RNPC3: variants seen among roughly 807,000 people sequenced by gnomAD.
The protein encoded by RNPC3 is RNA-binding region-containing protein 3.
A neutral mutation model predicts 67.5 loss-of-function variants in RNPC3; 48 were observed. The ratio of observed to expected loss-of-function variants is 0.71; its 90% CI spans 0.56 to 0.90. The LOEUF is 0.90. Among genes scored for constraint, RNPC3 ranks in the 40% least tolerant of loss-of-function variants. RNPC3 has a pLI of 0.00. For synonymous variants in RNPC3, 239 were observed against 210.3 expected, an observed-to-expected ratio of 1.14 and a Z score of -1.18; for missense variants, 637 against 626.1, an observed-to-expected ratio of 1.02 and a Z score of -0.19.
intron 14 of RNPC3, chr1:103,552,090 T>C: frequency 1.1e-5 from 2 of 182,360 alleles, no homozygotes; most frequent in Non-Finnish European, 2.3e-5. Context: ...ATGTATCATA[T>C]CACTTGGAGA....
chr1:103,546,357 A>G lies in RNPC3; in HGVS notation c.1302+15A>G. 1 of 1,223,892 alleles carries G rather than the reference A, an allele frequency of 8.2e-7. No homozygotes were observed. The highest frequency in any genetic ancestry group is 1.1e-6 in the Non-Finnish European group (1 of 901,364). The allele number at this position is 1,223,892 out of a possible 1,614,324, so 75.8% of individuals were successfully genotyped here. On this transcript the variant is annotated intron_variant, in intron 11 of 14. Coordinates refer to ENST00000423855, the MANE Select transcript of RNPC3 (RefSeq NM_017619.4). Reference sequence around the variant, plus strand: ...TTCAAGAAAAGGTAGGTATAAATTGATTTTTTTTCATGTAAATGAAAATAA... The same window carrying G: ...TTCAAGAAAAGGTAGGTATAAATTGGTTTTTTTTCATGTAAATGAAAATAA...
chr1:103,526,155 CT>C lies in RNPC3; in HGVS notation c.87del (p.Leu30TrpfsTer18). The C allele has an allele frequency of 1.3e-6, 2 of 1,551,566 alleles. No homozygotes were observed. The highest frequency in any genetic ancestry group is 1.7e-6 in the Non-Finnish European group (2 of 1,146,908). On this transcript the variant is annotated frameshift_variant, in exon 1 of 15. Transcript: ENST00000423855. LOFTEE classifies it high-confidence loss of function. The stretch of plus-strand genomic sequence containing the variant: ...TTCCCCGCCTCGGGGCGACCGAACC[CT>C]TCTGGTCAGGCACCTGCCGGCTGAG... Reference protein sequence around the residue: ...SLSPPRGDRTLLVRHLPAELT... With the variant: ...SLSPPRGDRTXLVRHLPAELT...
chr1:103,547,235 A>G (rs949233584), intron 12 of RNPC3, among the ~76,000 whole-genome samples, 200 bp downstream of exon 12: 5 of 152,190 alleles, frequency 3.3e-5, no homozygotes, highest in Admixed American at 2.6e-4. Flanking sequence ...GATAGTAAAA[A>G]TTTAATATTT....
chr1:103,536,404 C>A (rs188712144), intron 6 of RNPC3, among the ~76,000 whole-genome samples: 58 of 152,256 alleles, frequency 3.8e-4, no homozygotes, highest in Non-Finnish European at 2.8e-4. Context: ...TAAAGGCTAT[C>A]ATTTCATCCA....
rs527404704 is a variant in RNPC3, at chr1:103,536,293, T to C, written c.624+99T>C. 166 of 795,680 alleles carry C rather than the reference T, an allele frequency of 2.1e-4. No homozygotes were observed. The East Asian group carries it at 4.3e-3, about 21-fold the overall frequency. 49.3% of individuals were successfully genotyped at this position (795,680 alleles called of 1,614,324 possible). A position where few individuals can be genotyped will look rare whatever the true frequency, so the allele number is the denominator to read the frequency against. On this transcript the variant is annotated intron_variant, in intron 6 of 14. Transcript: ENST00000423855. The stretch of plus-strand genomic sequence containing the variant: ...GTGTTGTAGCAACCTCTGATGTACA[T>C]TGAAAATAAGGAACGGGTATAAAGT...
intron 14 of RNPC3, chr1:103,552,368 ACTC>A (rs1487290895): frequency 2.0e-5 from 3 of 151,570 alleles, no homozygotes; most frequent in African/African-American, 7.3e-5. Context: ...CAGCTTGAAA[ACTC>A]CTGGAATAAA....
In RNPC3 at chr1:103,533,766, C is replaced by G; in HGVS notation, c.268C>G (p.Leu90Val). ...KALTRLHQLK[L>V]LGHTLVVEFA... ...ATTGACAAGACTCCATCAACTGAAA[C>G]TTTTAGGTCATACTTTAGTCGTTGA... Residue 90 changes from leucine to valine, a missense_variant, in exon 3 of 15, where the codon CTT (leucine) becomes GTT (valine). Transcript: ENST00000423855. 5.2e-6 allele frequency: 8 copies of G among 1,531,166 alleles called. No individual in the cohort carries two copies. Among genetic ancestry groups the G allele is most frequent in the South Asian group, 1.2e-5 (1 of 83,946 alleles). The allele number at this position is 1,531,166 out of a possible 1,614,324, so 94.8% of individuals were successfully genotyped here.
intron 3 of RNPC3, 34 bp from the exon 4 acceptor site, chr1:103,534,740 A>G: frequency 7.9e-7 from 1 of 1,269,954 alleles, no homozygotes; most frequent in Middle Eastern, 2.0e-4. Flanking sequence ...ACCCTTTGGA[A>G]AGATAAGATT....
intron 8 of RNPC3, among the ~76,000 whole-genome samples, chr1:103,542,860 A>G (rs1292878888): frequency 1.3e-5 from 2 of 151,790 alleles, no homozygotes; most frequent in Non-Finnish European, 3.0e-5. Context: ...TATATTATCA[A>G]TATTTCATCT....
intron 2 of RNPC3, among the ~76,000 whole-genome samples, chr1:103,528,914 T>C (rs1328799177): frequency 6.6e-6 from 1 of 152,192 alleles, no homozygotes; most frequent in Non-Finnish European, 1.5e-5. Flanking sequence ...TAAAGTCTTT[T>C]TGCCATGAAA....
rs1482508908 is a variant in RNPC3, at chr1:103,525,889, C to T, written c.-182C>T. On this transcript the variant is annotated 5_prime_UTR_variant, in exon 1 of 15. Transcript: ENST00000423855. ...ACCGCGCCCTTCCCCGAAGAGTCTT[C>T]GAAGGGTTGCCGCTTTTCGGTGGCG... is the stretch of plus-strand genomic sequence containing the variant. 3 of 589,872 alleles carry T rather than the reference C, an allele frequency of 5.1e-6. No homozygotes were observed. Among genetic ancestry groups the T allele is most frequent in the East Asian group, 5.8e-5 (2 of 34,682 alleles). 36.5% of individuals were successfully genotyped at this position (589,872 alleles called of 1,614,324 possible). A position where few individuals can be genotyped will look rare whatever the true frequency, so the allele number is the denominator to read the frequency against.
chr1:103,544,497 CCTT>C (rs1366892791), intron 9 of RNPC3, among the ~76,000 whole-genome samples: 2 of 151,616 alleles, frequency 1.3e-5, no homozygotes, highest in African/African-American at 2.4e-5. Flanking sequence ...AGGTTGTTTC[CCTT>C]CTTTTACTAT....
At chr1:103,550,782 C>A (rs1342381691) in intron 12 of RNPC3, among the ~76,000 whole-genome samples, 159 bp from the exon 13 acceptor site, 1 of 151,898 alleles carries the variant, frequency 6.6e-6, no homozygotes, top group African/African-American at 2.4e-5. Flanking sequence ...AATTTTAGTG[C>A]AGAACATGAA....
chr1:103,545,778 T>A (rs1333939000), intron 10 of RNPC3: 1 of 152,498 alleles, frequency 6.6e-6, no homozygotes, highest in Non-Finnish European at 1.5e-5. Context: ...TTCTTGCATT[T>A]AAATATGGAG....
At chr1:103,531,444 G>A (rs552649771) in intron 2 of RNPC3, among the ~76,000 whole-genome samples, 1 of 152,250 alleles carries the variant, frequency 6.6e-6, no homozygotes, top group African/African-American at 2.4e-5. Flanking sequence ...CATACTTACT[G>A]TACTAGTTTA....
chr1:103,535,399 C>T lies in RNPC3; in HGVS notation c.513C>T (p.Asn171=), dbSNP rs1650956540. The change falls in exon 5 of 15, where the codon AAC becomes AAT. Residue 171 remains asparagine, a synonymous_variant. Coordinates refer to ENST00000423855, the MANE Select transcript of RNPC3 (RefSeq NM_017619.4). The part of the protein sequence containing the change: ...YPPPSSTILA[N]IVNALASVPK... Reference sequence around the variant, plus strand: ...CACCTTCCAGCACAATCCTAGCAAACATTGTAAATGCCTTGGCAAGCGTGC... The same window carrying T: ...CACCTTCCAGCACAATCCTAGCAAATATTGTAAATGCCTTGGCAAGCGTGC... 2 of 1,535,722 alleles carry T rather than the reference C, an allele frequency of 1.3e-6. No individual in the cohort carries two copies. The highest frequency in any genetic ancestry group is 1.7e-6 in the Non-Finnish European group (2 of 1,145,790).
intron 14 of RNPC3, chr1:103,553,437 A>G (rs1176538973): frequency 6.6e-6 from 1 of 152,152 alleles, no homozygotes; most frequent in Non-Finnish European, 1.5e-5. Flanking sequence ...CTTTATTCAA[A>G]TGAAATATTT....
chr1:103,527,627 A>T, intron 1 of RNPC3, 68 bp from the exon 2 acceptor site: 1 of 1,241,866 alleles, frequency 8.1e-7, no homozygotes, highest in Non-Finnish European at 1.2e-6. Flanking sequence ...CCACTGGTAA[A>T]AAGTCAGATT....
At chr1:103,535,683 A>T (rs1650967057) in intron 5 of RNPC3, among the ~76,000 whole-genome samples, 1 of 152,102 alleles carries the variant, frequency 6.6e-6, no homozygotes, top group African/African-American at 2.4e-5. Flanking sequence ...ATTACTTTAG[A>T]ATACATCATT....
Sources: allele counts gnomAD v4.1 joint callset (sites outside exome capture counted in the v4.1 genomes callset), GRCh38; gene constraint gnomAD v4.1.1; transcripts MANE v1.5; gene names NCBI Gene and HGNC (gene_info 2026-07-23, HGNC 2026-07-21).